TMTC2: variants seen among roughly 807,000 people sequenced by gnomAD.
TMTC2 encodes transmembrane O-mannosyltransferase targeting cadherins 2.
Under a neutral mutation model 82.4 loss-of-function variants are expected in TMTC2, and 43 were observed. The ratio of observed to expected loss-of-function variants is 0.52; its 90% CI spans 0.41 to 0.67. The LOEUF is 0.67. Ranked by LOEUF, TMTC2 falls within the 30% of genes least tolerant of loss-of-function variation. The pLI, the probability that TMTC2 is intolerant of heterozygous loss-of-function variation, is 0.00. For missense variants in TMTC2, 919 were observed against 1,012.4 expected (o/e 0.91, Z 1.25); for synonymous variants, 408 against 381.9 (o/e 1.07, Z -0.80).
intron 3 of TMTC2, among the ~76,000 whole-genome samples, chr12:82,921,353 T>C (rs1168038690): frequency 4.6e-5 from 7 of 152,230 alleles, no homozygotes; most frequent in Admixed American, 3.9e-4. Context: ...ATCTGTGAAA[T>C]GAGGATAGTA....
intron 1 of TMTC2, among the ~76,000 whole-genome samples, chr12:82,801,181 G>C (rs1315824858): frequency 6.6e-6 from 1 of 152,024 alleles, no homozygotes; most frequent in Non-Finnish European, 1.5e-5. Context: ...GTGGGTTCTT[G>C]GTCTCACTGA....
chr12:83,122,539 T>C (rs1434485346), intron 11 of TMTC2, among the ~76,000 whole-genome samples: 1 of 152,142 alleles, frequency 6.6e-6, no homozygotes, highest in Admixed American at 6.6e-5. Context: ...GCTGTCTAAA[T>C]TGACTCAGCT....
At chr12:83,039,963 A>G (rs1040393192) in intron 9 of TMTC2, among the ~76,000 whole-genome samples, 10 of 152,222 alleles carry the variant, frequency 6.6e-5, no homozygotes, top group African/African-American at 2.4e-4. Flanking sequence ...TGCAGAAAAT[A>G]AAGAGCTTGG....
In TMTC2 at chr12:82,985,907, G is replaced by A. The variant is rs773979401; in HGVS notation, c.1949-18G>A. On this transcript the variant is annotated intron_variant, in intron 7 of 11. Transcript: ENST00000321196. ...GCTGTATCCTCCCTTTGACCTTCAT[G>A]ATTAATTCTCTTTCCAGGTGAAGCA... is the stretch of plus-strand genomic sequence containing the variant. 5.0e-6 allele frequency: 8 copies of A among 1,610,658 alleles called. No individual in the cohort carries two copies. The Admixed American group carries it at 1.3e-4, about 27-fold the overall frequency.
chr12:82,692,493 T>C (rs1314796894), intron 1 of TMTC2, among the ~76,000 whole-genome samples: 1 of 152,178 alleles, frequency 6.6e-6, no homozygotes, highest in Non-Finnish European at 1.5e-5. Flanking sequence ...AGGCTAAAGG[T>C]GCGTTGTCTC....
chr12:83,125,427 G>A (rs926681670), intron 11 of TMTC2, among the ~76,000 whole-genome samples: 4 of 152,104 alleles, frequency 2.6e-5, no homozygotes, highest in Admixed American at 6.6e-5. Context: ...ATCTTATTTT[G>A]TACAAATGTT....
chr12:83,057,996 C>T (rs1348764723), intron 10 of TMTC2, among the ~76,000 whole-genome samples: 3 of 151,798 alleles, frequency 2.0e-5, no homozygotes, highest in Non-Finnish European at 4.4e-5. Flanking sequence ...ATCAGATTCG[C>T]TTCAAACATT....
At chr12:83,046,814 TGC>T (rs1416359728) in intron 9 of TMTC2, among the ~76,000 whole-genome samples, 6 of 152,334 alleles carry the variant, frequency 3.9e-5, no homozygotes, top group African/African-American at 1.4e-4. Context: ...ATCCACATTC[TGC>T]CACATGTACT....
chr12:82,706,948 C>T (rs756068589), intron 1 of TMTC2, among the ~76,000 whole-genome samples: 3 of 152,170 alleles, frequency 2.0e-5, no homozygotes, highest in African/African-American at 7.2e-5. Flanking sequence ...GAGTTTGGCA[C>T]GCCTGTATTT....
chr12:82,719,688 T>TTC (rs397815668), intron 1 of TMTC2, among the ~76,000 whole-genome samples: 39 of 148,534 alleles, frequency 2.6e-4, no homozygotes, highest in Non-Finnish European at 4.5e-4. Context: ...TTTTTTTTTT[T>TTC]CGTAATGTCA....
At chr12:83,071,833 G>T (rs12814023) in intron 11 of TMTC2, among the ~76,000 whole-genome samples, 1 of 151,574 alleles carries the variant, frequency 6.6e-6, no homozygotes, top group African/African-American at 2.4e-5. Context: ...TTGTATTTTC[G>T]GTGGTGTCAG....
intron 1 of TMTC2, among the ~76,000 whole-genome samples, chr12:82,819,497 CTTTTTTTTTTT>C (rs766912583): frequency 0.013 from 1,521 of 118,282 alleles, 34 homozygotes; most frequent in African/African-American, 0.051. Context: ...TTCTCTCTTT[CTTTTTTTTTTT>C]TTTTTTTTTT....
chr12:83,122,868 G>C (rs1275907805), intron 11 of TMTC2, among the ~76,000 whole-genome samples: 1 of 152,134 alleles, frequency 6.6e-6, no homozygotes, highest in Non-Finnish European at 1.5e-5. Context: ...CAGTTCTCTA[G>C]GTTTTGCATT....
intron 1 of TMTC2, among the ~76,000 whole-genome samples, chr12:82,803,377 A>C (rs1386477590): frequency 1.3e-5 from 2 of 152,172 alleles, no homozygotes; most frequent in Non-Finnish European, 2.9e-5. Flanking sequence ...ATGGTTCAGC[A>C]GTTATCACAA....
intron 1 of TMTC2, among the ~76,000 whole-genome samples, chr12:82,779,974 T>G (rs909969429): frequency 1.7e-4 from 26 of 152,154 alleles, no homozygotes; most frequent in Admixed American, 3.9e-4. Context: ...TCCATTCGAC[T>G]GCTACTTCAA....
chr12:82,720,807 C>T (rs1874172967), intron 1 of TMTC2, among the ~76,000 whole-genome samples: 1 of 152,146 alleles, frequency 6.6e-6, no homozygotes, highest in Admixed American at 6.5e-5. Flanking sequence ...TTTTGAACGT[C>T]TTTTCACATG....
At chr12:82,997,380 A>ATATATATATGTGTATATATATG (rs1565845158) in intron 8 of TMTC2, among the ~76,000 whole-genome samples, 1 of 35,198 alleles carries the variant, frequency 2.8e-5, no homozygotes, top group Non-Finnish European at 6.1e-5. Context: ...ATATATATAT[A>ATATATATATGTGTATATATATG]TGTGTATATA....
At chr12:82,959,632 C>G (rs1324223185) in intron 4 of TMTC2, among the ~76,000 whole-genome samples, 2 of 152,092 alleles carry the variant, frequency 1.3e-5, no homozygotes, top group Non-Finnish European at 2.9e-5. Context: ...TGCATGAAAT[C>G]AAATTGGATC....
intron 8 of TMTC2, among the ~76,000 whole-genome samples, chr12:83,000,762 T>C (rs944976683): frequency 6.6e-6 from 1 of 152,134 alleles, no homozygotes; most frequent in Non-Finnish European, 1.5e-5. Context: ...CTAGCAGAGG[T>C]CCTTCATGAG....
Sources: gnomAD v4.1 joint callset for allele counts (sites outside exome capture counted in the v4.1 genomes callset) on GRCh38, gnomAD v4.1.1 for gene constraint, MANE v1.5 for transcripts, NCBI Gene and HGNC (gene_info 2026-07-23, HGNC 2026-07-21) for gene names.